WDR72: variants seen among roughly 807,000 people sequenced by gnomAD.
WDR72 encodes WD repeat domain 72, also known as WD repeat-containing protein 72.
WDR72 carries 120 observed loss-of-function variants against 124.2 expected under a neutral mutation model. That is an observed-to-expected ratio of 0.97 (90% confidence interval 0.83 to 1.12). WDR72 has a LOEUF of 1.12. Ranked by LOEUF, WDR72 falls within the 50% of genes most tolerant of loss-of-function variation. The pLI, the probability that WDR72 is intolerant of heterozygous loss-of-function variation, is 0.00. For missense variants in WDR72, 1,387 were observed against 1,278.8 expected, an observed-to-expected ratio of 1.08 and a Z score of -1.29; for synonymous variants, 452 against 441.7, an observed-to-expected ratio of 1.02 and a Z score of -0.29.
intron 18 of WDR72, among the ~76,000 whole-genome samples, chr15:53,526,684 G>C (rs1251066562): frequency 6.6e-6 from 1 of 152,024 alleles, no homozygotes; most frequent in East Asian, 1.9e-4. Context: ...AAGTCCATTT[G>C]TAGCTCATCA....
chr15:53,520,687 C>T (rs1050781695), intron 19 of WDR72, among the ~76,000 whole-genome samples: 13 of 151,982 alleles, frequency 8.6e-5, no homozygotes, highest in Non-Finnish European at 1.8e-4. Context: ...GGTAACTAAA[C>T]CACTAGAGTA....
intron 13 of WDR72, among the ~76,000 whole-genome samples, chr15:53,699,101 A>G (rs2017089956): frequency 6.6e-6 from 1 of 152,208 alleles, no homozygotes. Context: ...ATCATGCTAC[A>G]GTTTCAGTGA....
At position 53,755,784 on chromosome 15, in the gene WDR72, C is replaced by T. The variant is rs546458769; in HGVS notation, c.-13+3849G>A. The stretch of plus-strand genomic sequence containing the variant: ...GCAGCAGAGGCTGCACTTAACCCTG[C>T]TGGGAGGAGATCAAGAAGAGTTTCT... On this transcript the variant is annotated intron_variant, in intron 1 of 19. Transcript: ENST00000360509. Among the ~76,000 whole-genome samples, 5 of 152,312 alleles carry T rather than the reference C, an allele frequency of 3.3e-5. No homozygotes were observed. In the South Asian group the frequency reaches 1.0e-3, roughly 32 times the overall value.
At chr15:53,706,747 A>G (rs1002074180) in intron 9 of WDR72, among the ~76,000 whole-genome samples, 2 of 152,062 alleles carry the variant, frequency 1.3e-5, no homozygotes, top group Non-Finnish European at 2.9e-5. Flanking sequence ...CAGATTGAAC[A>G]TACTTGATTT....
chr15:53,573,009 GGGA>G (rs1894606369), intron 18 of WDR72, among the ~76,000 whole-genome samples: 1 of 152,180 alleles, frequency 6.6e-6, no homozygotes, highest in South Asian at 2.1e-4. Context: ...TAGTTGGGTT[GGGA>G]GGAGGTAGAG....
intron 3 of WDR72, among the ~76,000 whole-genome samples, chr15:53,720,756 T>C (rs529729836): frequency 2.0e-5 from 3 of 152,326 alleles, no homozygotes; most frequent in South Asian, 2.1e-4. Flanking sequence ...CTCTTTTTCT[T>C]TGGCATTCTG....
intron 18 of WDR72, among the ~76,000 whole-genome samples, chr15:53,534,324 T>A (rs187292258): frequency 4.5e-4 from 69 of 152,268 alleles, no homozygotes; most frequent in African/African-American, 1.5e-3. Context: ...GGCCAAAGCA[T>A]CATTTTCCCA....
intron 14 of WDR72, among the ~76,000 whole-genome samples, chr15:53,621,258 G>T (rs1322380335): frequency 6.6e-6 from 1 of 151,760 alleles, no homozygotes; most frequent in South Asian, 2.1e-4. Flanking sequence ...ACTAAAAGTA[G>T]AACTACTATT....
intron 2 of WDR72, among the ~76,000 whole-genome samples, chr15:53,726,134 A>T (rs1186565697): frequency 6.6e-6 from 1 of 150,392 alleles, no homozygotes; most frequent in African/African-American, 2.4e-5. Flanking sequence ...GTACAATACC[A>T]AGAGTGAACC....
chr15:53,731,371 T>C (rs543183697), intron 2 of WDR72, among the ~76,000 whole-genome samples: 1 of 152,018 alleles, frequency 6.6e-6, no homozygotes, highest in East Asian at 1.9e-4. Flanking sequence ...TAATTCCTAT[T>C]CCCAGCCCAT....
intron 14 of WDR72, among the ~76,000 whole-genome samples, chr15:53,630,965 G>A (rs1595806342): frequency 2.0e-5 from 3 of 152,082 alleles, no homozygotes; most frequent in African/African-American, 7.2e-5. Flanking sequence ...AAACACTAAG[G>A]TATCCACAAA....
chr15:53,715,479 T>A, intron 4 of WDR72, 112 bp from the exon 5 acceptor site: 1 of 1,270,128 alleles, frequency 7.9e-7, no homozygotes, highest in Non-Finnish European at 1.1e-6. Context: ...AATTAAGGTA[T>A]TGAACTGAAT....
intron 4 of WDR72, 108 bp from the exon 5 acceptor site, chr15:53,715,475 G>C: frequency 7.5e-7 from 1 of 1,327,156 alleles, no homozygotes; most frequent in Non-Finnish European, 1.1e-6. Flanking sequence ...GATCAATTAA[G>C]GTATTGAACT....
At chr15:53,724,377 C>G (rs2017961096) in intron 2 of WDR72, among the ~76,000 whole-genome samples, 1 of 152,166 alleles carries the variant, frequency 6.6e-6, no homozygotes. Flanking sequence ...CATTCTCACA[C>G]TGCTATAAAG....
At chr15:53,625,001 T>G (rs549194139) in intron 14 of WDR72, among the ~76,000 whole-genome samples, 2 of 152,212 alleles carry the variant, frequency 1.3e-5, no homozygotes, top group Non-Finnish European at 2.9e-5. Context: ...AACTTTATTT[T>G]TATGTTACCT....
intron 18 of WDR72, among the ~76,000 whole-genome samples, chr15:53,591,522 G>C (rs2012492825): frequency 6.6e-6 from 1 of 151,934 alleles, no homozygotes; most frequent in African/African-American, 2.4e-5. Flanking sequence ...GTAACAAAGA[G>C]GAGCTCTGAA....
At chr15:53,702,077 A>G in intron 12 of WDR72, 57 bp downstream of exon 12, 1 of 1,319,126 alleles carries the variant, frequency 7.6e-7, no homozygotes, top group Non-Finnish European at 1.1e-6. Context: ...CTTATTAAGT[A>G]TTCTATAATT....
chr15:53,581,223 T>C (rs545011392), intron 18 of WDR72, among the ~76,000 whole-genome samples: 6 of 152,108 alleles, frequency 3.9e-5, no homozygotes, highest in Non-Finnish European at 8.8e-5. Context: ...GCAAGTGCTA[T>C]GGAAGTACTC....
intron 3 of WDR72, among the ~76,000 whole-genome samples, chr15:53,722,072 C>T (rs557356732): frequency 6.6e-6 from 1 of 151,688 alleles, no homozygotes; most frequent in African/African-American, 2.4e-5. Context: ...TTGAGACTGT[C>T]GCCCAGGCTG....
Sources: gnomAD v4.1 joint callset for allele counts (sites outside exome capture counted in the v4.1 genomes callset) on GRCh38, gnomAD v4.1.1 for gene constraint, MANE v1.5 for transcripts, NCBI Gene and HGNC (gene_info 2026-07-23, HGNC 2026-07-21) for gene names.